C12orf76: variants seen among roughly 807,000 people sequenced by gnomAD.
C12orf76 encodes chromosome 12 open reading frame 76.
C12orf76 carries 6 observed loss-of-function variants against 6.8 expected under a neutral mutation model. The observed-to-expected ratio is 0.88, with a 90% CI of 0.48 to 1.73. The LOEUF is 1.73. Ranked by LOEUF, C12orf76 falls within the 40% of genes most tolerant of loss-of-function variation. C12orf76 has a pLI of 0.01. For missense variants in C12orf76, 99 were observed against 98.2 expected, an observed-to-expected ratio of 1.01 and a Z score of -0.03; for synonymous variants, 56 against 43.7, an observed-to-expected ratio of 1.28 and a Z score of -1.11.
upstream of C12orf76, among the ~76,000 whole-genome samples, chr12:110,070,522 C>A (rs555626257): frequency 6.7e-6 from 1 of 150,202 alleles, no homozygotes; most frequent in African/African-American, 2.5e-5. Context: ...GCTGTGATCA[C>A]GCCACTGCAC....
exon 2 of C12orf76, chr12:110,065,977 C>T (rs1892852371): frequency 1.9e-6 from 3 of 1,612,816 alleles, no homozygotes; most frequent in African/African-American, 1.3e-5. Context: ...TATGGGGTCA[C>T]CTCCAGAACT....
exon 2 of C12orf76, chr12:110,065,952 G>A (rs1027739770): frequency 6.2e-7 from 1 of 1,613,600 alleles, no homozygotes; most frequent in African/African-American, 1.3e-5. Context: ...TCACGTGGCT[G>A]GATTCTTCTC....
chr12:110,065,781 G>A lies in C12orf76; in HGVS notation n.380+79C>T, dbSNP rs1326030796. On this transcript the variant is annotated intron_variant and non_coding_transcript_variant, in intron 2 of 4. Transcript: ENST00000309050. ...CTTCTCTGCATAATACTTTTCAGTG[G>A]CTTCCCATGGCACTGAAAATCAAAT... The A allele has an allele frequency of 1.5e-5, 24 of 1,611,936 alleles. 1 individual carries two copies. The South Asian group carries it at 2.2e-4, about 15-fold the overall frequency.
At chr12:110,061,239 C>T (rs1318119920) in intron 2 of C12orf76, among the ~76,000 whole-genome samples, 1 of 152,112 alleles carries the variant, frequency 6.6e-6, no homozygotes, top group Middle Eastern at 3.2e-3. Flanking sequence ...CTTTCTCCTG[C>T]ATTTCCTATC....
chr12:110,051,342 A>C (rs147834274), upstream of C12orf76: 1 of 688,288 alleles, frequency 1.5e-6, no homozygotes, highest in East Asian at 2.7e-5. Flanking sequence ...ATGAATTGTG[A>C]GGATCAAATG....
chr12:110,057,165 T>C (rs767234550), intron 4 of C12orf76: 1 of 1,513,972 alleles, frequency 6.6e-7, no homozygotes, highest in African/African-American at 1.4e-5. Flanking sequence ...ATGCTCTGAA[T>C]ATAAGTGACT....
chr12:110,051,033 A>T, upstream of C12orf76: 1 of 778,582 alleles, frequency 1.3e-6, no homozygotes, highest in Non-Finnish European at 2.4e-6. Context: ...TGTTAAAGAC[A>T]CTGTGCACCA....
chr12:110,063,881 T>C (rs1892817782), intron 2 of C12orf76, among the ~76,000 whole-genome samples: 1 of 152,032 alleles, frequency 6.6e-6, no homozygotes, highest in African/African-American at 2.4e-5. Context: ...CAGTCCAGCC[T>C]GGGCAACATA....
intron 2 of C12orf76, among the ~76,000 whole-genome samples, chr12:110,062,304 C>T (rs182652418): frequency 6.6e-6 from 1 of 152,170 alleles, no homozygotes; most frequent in Admixed American, 6.6e-5. Flanking sequence ...GCAGGGTTTC[C>T]AGTTTTAAAC....
chr12:110,059,029 A>G (rs1324027043), exon 3 of C12orf76: 1 of 1,551,524 alleles, frequency 6.4e-7, no homozygotes, highest in African/African-American at 1.4e-5. Flanking sequence ...GAATGAAGCG[A>G]GAAGCTTGTC....
At chr12:110,068,584 C>G (rs996755133), upstream of C12orf76, among the ~76,000 whole-genome samples, 1 of 152,232 alleles carries the variant, frequency 6.6e-6, no homozygotes, top group Admixed American at 6.5e-5. Flanking sequence ...GCAACGCTAA[C>G]TCCTCTTGTA....
upstream of C12orf76, among the ~76,000 whole-genome samples, chr12:110,052,187 T>C (rs1296736573): frequency 2.6e-5 from 4 of 151,112 alleles, no homozygotes; most frequent in South Asian, 2.1e-4. Flanking sequence ...TGAGCCACCG[T>C]GCCCGGCCTT....
intron 1 of C12orf76, chr12:110,067,371 C>T: frequency 1.0e-6 from 1 of 976,422 alleles, no homozygotes. Flanking sequence ...CAACAATTAC[C>T]TAGATAGAGT....
chr12:110,065,529 C>A (rs988564372), intron 2 of C12orf76, among the ~76,000 whole-genome samples: 1 of 152,072 alleles, frequency 6.6e-6, no homozygotes, highest in Non-Finnish European at 1.5e-5. Flanking sequence ...CCGGAGCCAT[C>A]CTTCACCTCC....
chr12:110,057,436 C>T (rs1432757628), intron 3 of C12orf76: 2 of 639,740 alleles, frequency 3.1e-6, no homozygotes, highest in Non-Finnish European at 5.7e-6. Flanking sequence ...GGGCACTGTG[C>T]CTGCAGTGCG....
chr12:110,060,761 C>T (rs1016156494), intron 2 of C12orf76, among the ~76,000 whole-genome samples: 8 of 151,978 alleles, frequency 5.3e-5, no homozygotes, highest in Admixed American at 6.6e-5. Context: ...TCAGGCCAGG[C>T]GCAGTGGTTC....
rs1892306209 is a variant in C12orf76 at position 110,041,345 on chromosome 12, C to T, written c.*1029G>A. ...TGTTAAAATCAGTGCTGTGCTTGAA[C>T]ACAAGATAAGCATTTCAATTTAATA... On this transcript the variant is annotated 3_prime_UTR_variant, in exon 2 of 2. Transcript: ENST00000615315. 6.6e-6 allele frequency: 1 copy of T among 152,618 alleles called. No individual in the cohort carries two copies. The highest frequency in any genetic ancestry group is 6.5e-5 in the Admixed American group (1 of 15,282). The allele number at this position is 152,618 out of a possible 1,614,324, so 9.5% of individuals were successfully genotyped here. A position where few individuals can be genotyped will look rare whatever the true frequency, so the allele number is the denominator to read the frequency against.
exon 1 of C12orf76, chr12:110,067,676 G>C (rs1892889003): frequency 1.7e-6 from 1 of 583,922 alleles, no homozygotes; most frequent in Non-Finnish European, 2.2e-6. Context: ...GCACCCGGCC[G>C]GCTCAGTCAT....
chr12:110,064,929 A>G (rs1490543996), intron 2 of C12orf76, among the ~76,000 whole-genome samples: 1 of 152,208 alleles, frequency 6.6e-6, no homozygotes, highest in Non-Finnish European at 1.5e-5. Context: ...CAAGAAAACC[A>G]GATACCAAGG....
Sources: allele counts gnomAD v4.1 joint callset (sites outside exome capture counted in the v4.1 genomes callset), GRCh38; gene constraint gnomAD v4.1.1; transcripts MANE v1.5; gene names NCBI Gene and HGNC (gene_info 2026-07-23, HGNC 2026-07-21).